The following ZC4H2 variants were observed in gnomAD, a reference collection of about 807,000 sequenced individuals.
ZC4H2 encodes zinc finger C4H2 domain-containing protein.
For synonymous variants in ZC4H2, 84 were observed against 66.3 expected (o/e 1.27, Z -1.30); for missense variants, 137 against 173.9 (o/e 0.79, Z 1.19).
intron 1 of ZC4H2, among the ~76,000 whole-genome samples, chrX:65,008,148 A>C (rs1334679923): frequency 8.9e-6 from 1 of 112,384 alleles, no homozygotes; most frequent in Non-Finnish European, 1.9e-5. Flanking sequence ...TGATTAAAAA[A>C]TAGGCAAAAT....
chrX:65,032,977 A>C (rs1932954973), intron 1 of ZC4H2, among the ~76,000 whole-genome samples: 1 of 111,088 alleles, frequency 9.0e-6, no homozygotes, highest in African/African-American at 3.3e-5. Context: ...GGATTTTGCC[A>C]TGTTGGCCAG....
chrX:64,946,237 G>A, intron 1 of ZC4H2, among the ~76,000 whole-genome samples: 1 of 111,840 alleles, frequency 8.9e-6, no homozygotes, highest in Middle Eastern at 4.6e-3. Context: ...CCAGGGCCCT[G>A]GTGGTACAGG....
chrX:65,023,061 G>A (rs1254364144), intron 1 of ZC4H2, among the ~76,000 whole-genome samples: 1 of 111,709 alleles, frequency 9.0e-6, no homozygotes, highest in Non-Finnish European at 1.9e-5. Context: ...GGTTACTGTA[G>A]CCTTGTAGTA....
chrX:64,976,256 T>C, intron 1 of ZC4H2, 69 bp downstream of exon 1: 1 of 1,119,794 alleles, frequency 8.9e-7, no homozygotes, highest in Non-Finnish European at 1.2e-6. Context: ...AGCCCAACAA[T>C]AGATAATTAG....
At chrX:64,918,221 C>A in intron 4 of ZC4H2, 2 of 162,441 alleles carry the variant, frequency 1.2e-5, no homozygotes, top group Non-Finnish European at 2.4e-5. Context: ...CAGGGGTCAA[C>A]AAACATTTTC....
At chrX:64,976,637 T>G (rs1202705510), upstream of ZC4H2, 1 of 392,356 alleles carries the variant, frequency 2.5e-6, no homozygotes, top group Admixed American at 4.3e-5. Context: ...CAATTTGTTA[T>G]AGATAATTAT....
At chrX:64,932,965 A>C (rs1929825044) in intron 1 of ZC4H2, among the ~76,000 whole-genome samples, 1 of 111,635 alleles carries the variant, frequency 9.0e-6, no homozygotes, top group Admixed American at 9.5e-5. Flanking sequence ...CCAAACTTTT[A>C]GATTTCTGTT....
Position 64,965,146 on chromosome X carries a change from C to T in ZC4H2, c.53+11179G>A, listed in dbSNP as rs189737606. 6.3e-5 allele frequency among the ~76,000 whole-genome samples: 7 copies of T among 111,535 alleles called. No individual in the cohort carries two copies. In the East Asian group the frequency reaches 1.7e-3, roughly 27 times the overall value. On this transcript the variant is annotated intron_variant, in intron 1 of 4. Coordinates refer to ENST00000374839, the MANE Select transcript of ZC4H2 (RefSeq NM_018684.4). ...GATCCAACAAAATCCTATTAAAATC[C>T]CAGTATGGTTTTTGGTAGAAACTGA...
intron 1 of ZC4H2, among the ~76,000 whole-genome samples, chrX:65,033,287 A>T (rs1282001228): frequency 8.9e-6 from 1 of 112,513 alleles, no homozygotes; most frequent in Non-Finnish European, 1.9e-5. Flanking sequence ...AAGCCCCTAG[A>T]ATATCACACA....
At chrX:65,005,860 GA>G (rs771477100) in intron 1 of ZC4H2, among the ~76,000 whole-genome samples, 33 of 96,127 alleles carry the variant, frequency 3.4e-4, no homozygotes, top group Admixed American at 7.9e-4. Flanking sequence ...AACACATTTA[GA>G]AAAAAAAAAA....
intron 1 of ZC4H2, among the ~76,000 whole-genome samples, chrX:64,962,082 T>C (rs1223613248): frequency 9.0e-6 from 1 of 111,324 alleles, no homozygotes; most frequent in African/African-American, 3.3e-5. Context: ...ACTACCCTAA[T>C]AATAAAGCTA....
At chrX:64,935,020 G>C (rs748624734) in intron 1 of ZC4H2, among the ~76,000 whole-genome samples, 2 of 110,868 alleles carry the variant, frequency 1.8e-5, no homozygotes, top group Admixed American at 1.9e-4. Context: ...AGGGAGCCAA[G>C]TAGTCTTGCT....
At chrX:64,957,877 T>A (rs1485313852) in intron 1 of ZC4H2, among the ~76,000 whole-genome samples, 1 of 109,580 alleles carries the variant, frequency 9.1e-6, no homozygotes, top group Non-Finnish European at 1.9e-5. Context: ...TAAAAAAAAA[T>A]AAAAATAAAA....
chrX:65,000,571 C>A (rs980036901), intron 1 of ZC4H2, among the ~76,000 whole-genome samples: 2 of 111,562 alleles, frequency 1.8e-5, no homozygotes, highest in African/African-American at 6.5e-5. Context: ...GGAAACAAAC[C>A]AAACAAGAAT....
chrX:64,957,309 G>C (rs1931194621), intron 1 of ZC4H2, among the ~76,000 whole-genome samples: 1 of 111,608 alleles, frequency 9.0e-6, no homozygotes, highest in South Asian at 3.7e-4. Flanking sequence ...GGCTGTGCTG[G>C]AGTCTCTCTG....
upstream of ZC4H2, among the ~76,000 whole-genome samples, chrX:64,976,790 C>A (rs765161577): frequency 9.0e-6 from 1 of 111,216 alleles, no homozygotes; most frequent in South Asian, 3.9e-4. Flanking sequence ...TCGCACCTAC[C>A]CACCCGCAAA....
chrX:65,010,439 A>G (rs978721420), intron 1 of ZC4H2, among the ~76,000 whole-genome samples: 5 of 112,286 alleles, frequency 4.5e-5, no homozygotes, highest in African/African-American at 1.6e-4. Context: ...TCTCAGTTAT[A>G]CTCAAATAAT....
upstream of ZC4H2, among the ~76,000 whole-genome samples, chrX:64,980,690 TTAAG>T (rs1213986879): frequency 2.7e-5 from 3 of 110,537 alleles, no homozygotes; most frequent in Non-Finnish European, 5.7e-5. Context: ...CACAGAGAAG[TTAAG>T]TAACTTGCCC....
At chrX:64,929,318 G>T (rs1929632333) in intron 1 of ZC4H2, among the ~76,000 whole-genome samples, 1 of 111,444 alleles carries the variant, frequency 9.0e-6, no homozygotes, top group Admixed American at 9.6e-5. Context: ...CACTCTATAG[G>T]CTGTCTGTTT....
Sources: allele counts gnomAD v4.1 joint callset (sites outside exome capture counted in the v4.1 genomes callset), GRCh38; gene constraint gnomAD v4.1.1; transcripts MANE v1.5; gene names NCBI Gene and HGNC (gene_info 2026-07-23, HGNC 2026-07-21).